HYCC2: variants seen among roughly 807,000 people sequenced by gnomAD.
HYCC2 encodes the protein hyccin 2.
At chr2:201,065,428 A>C in the HYCC2 span, among the ~76,000 whole-genome samples, 2 of 152,248 alleles carry the variant, frequency 1.3e-5, no homozygotes, top group African/African-American at 4.8e-5. Flanking sequence ...TATGAATGTA[A>C]GTTTCAGTTT....
the HYCC2 span, among the ~76,000 whole-genome samples, chr2:201,056,012 C>A: frequency 6.6e-6 from 1 of 152,054 alleles, no homozygotes; most frequent in South Asian, 2.1e-4. Context: ...CACGGTGAAA[C>A]CCCGTCTCTA....
At chr2:200,986,591 A>T in the HYCC2 span, among the ~76,000 whole-genome samples, 6 of 152,206 alleles carry the variant, frequency 3.9e-5, no homozygotes, top group Non-Finnish European at 8.8e-5. Flanking sequence ...GAAGGGTATT[A>T]AAAAACCCCT....
At chr2:201,024,028 C>A in the HYCC2 span, 4 of 1,601,188 alleles carry the variant, frequency 2.5e-6, no homozygotes, top group African/African-American at 1.3e-5. Flanking sequence ...ACCTTCTACT[C>A]CTCTTTTATC....
chr2:201,036,775 C>A, the HYCC2 span, among the ~76,000 whole-genome samples: 2 of 152,098 alleles, frequency 1.3e-5, no homozygotes, highest in African/African-American at 4.8e-5. Context: ...TATGACAAAC[C>A]CACAGCCAAT....
the HYCC2 span, chr2:200,992,954 G>A: frequency 6.2e-7 from 1 of 1,613,894 alleles, no homozygotes; most frequent in Non-Finnish European, 8.5e-7. Flanking sequence ...CGACCACAGA[G>A]TTCTTTCCAG....
At chr2:201,062,401 C>G in the HYCC2 span, among the ~76,000 whole-genome samples, 1 of 152,064 alleles carries the variant, frequency 6.6e-6, no homozygotes, top group African/African-American at 2.4e-5. Context: ...GTAATCCCAG[C>G]ACTTTGGGAG....
At chr2:200,990,828 C>A in the HYCC2 span, among the ~76,000 whole-genome samples, 9 of 152,194 alleles carry the variant, frequency 5.9e-5, no homozygotes, top group African/African-American at 1.7e-4. Flanking sequence ...GCCTCGGCCT[C>A]CCGAAGTGCT....
chr2:200,981,578 G>C, the HYCC2 span: 4 of 1,614,176 alleles, frequency 2.5e-6, no homozygotes, highest in Non-Finnish European at 3.4e-6. This position sits in a 1 kb window ranked among gnomAD's most constrained non-coding sequence, Gnocchi z 4.5. Flanking sequence ...GGCAGGCTCA[G>C]GTGTTTCTTC....
the HYCC2 span, among the ~76,000 whole-genome samples, chr2:201,055,020 G>A: frequency 1.4e-4 from 21 of 152,144 alleles, no homozygotes; most frequent in Admixed American, 4.6e-4. Context: ...TGTTTAAAGC[G>A]GTTGGTATTC....
chr2:201,003,012 GAAT>G, the HYCC2 span, among the ~76,000 whole-genome samples: 1 of 152,080 alleles, frequency 6.6e-6, no homozygotes, highest in Non-Finnish European at 1.5e-5. Flanking sequence ...ACATAAAATG[GAAT>G]AATAACTCAT....
chr2:201,058,131 T>G, the HYCC2 span, among the ~76,000 whole-genome samples: 1 of 152,124 alleles, frequency 6.6e-6, no homozygotes, highest in Admixed American at 6.6e-5. Context: ...CCTCCCCTTC[T>G]TCCAACACTC....
chr2:201,030,518 G>A, the HYCC2 span, among the ~76,000 whole-genome samples: 5 of 150,910 alleles, frequency 3.3e-5, no homozygotes, highest in Admixed American at 1.3e-4. Context: ...CATATATAGT[G>A]TTCTACAGTG....
the HYCC2 span, among the ~76,000 whole-genome samples, chr2:201,059,817 G>A: frequency 1.3e-5 from 2 of 152,048 alleles, no homozygotes; most frequent in Non-Finnish European, 2.9e-5. Flanking sequence ...AGGCCGAGGC[G>A]GGTGGATCAC....
chr2:201,001,680 A>AT, the HYCC2 span, among the ~76,000 whole-genome samples: 1,884 of 148,122 alleles, frequency 0.013, 18 homozygotes, highest in South Asian at 0.022. Context: ...TTCTATTTTT[A>AT]TTTTTTTTTT....
the HYCC2 span, chr2:200,993,077 T>C: frequency 4.1e-6 from 4 of 966,700 alleles, no homozygotes; most frequent in Non-Finnish European, 6.5e-6. Context: ...CCTAAATTCA[T>C]TTATTCAATT....
At chr2:201,055,847 G>A in the HYCC2 span, among the ~76,000 whole-genome samples, 1 of 152,038 alleles carries the variant, frequency 6.6e-6, no homozygotes, top group African/African-American at 2.4e-5. Context: ...GATCATTTGA[G>A]GCCAGTAGTT....
chr2:201,011,587 A>G, the HYCC2 span: 7 of 581,404 alleles, frequency 1.2e-5, no homozygotes, highest in Non-Finnish European at 2.0e-5. Flanking sequence ...TTTCAGAAAC[A>G]GTAATGTATA....
the HYCC2 span, chr2:201,063,374 C>G: frequency 1.3e-6 from 2 of 1,580,352 alleles, no homozygotes; most frequent in Non-Finnish European, 1.7e-6. Context: ...AGAAGATTCT[C>G]AAAGACCAGG....
chr2:201,033,820 T>C, the HYCC2 span, among the ~76,000 whole-genome samples: 3 of 152,246 alleles, frequency 2.0e-5, no homozygotes, highest in South Asian at 6.2e-4. Flanking sequence ...ATTACAGGCA[T>C]GAGCCACTGC....
Sources: gnomAD v4.1 joint callset for allele counts (sites outside exome capture counted in the v4.1 genomes callset) on GRCh38, gnomAD v4.1.1 for gene constraint, Gnocchi (gnomAD v3.1) non-coding constraint, MANE v1.5 for transcripts, NCBI Gene and HGNC (gene_info 2026-07-23, HGNC 2026-07-21) for gene names.